SPACA7: variants seen among roughly 807,000 people sequenced by gnomAD.
SPACA7 encodes sperm acrosome-associated protein 7.
In SPACA7, 19 loss-of-function variants were observed where a neutral mutation model predicts 26.3. The observed-to-expected ratio is 0.72, with a 90% CI of 0.50 to 1.06. The LOEUF (loss-of-function observed/expected upper bound fraction) is 1.06. Ranked by LOEUF, SPACA7 falls within the 50% of genes least tolerant of loss-of-function variation. SPACA7 has a pLI of 0.00. For synonymous variants in SPACA7, 84 were observed against 84.5 expected, an observed-to-expected ratio of 0.99 and a Z score of 0.04; for missense variants, 211 against 229.9, an observed-to-expected ratio of 0.92 and a Z score of 0.53.
At chr13:112,380,008 A>C (rs573788543) in intron 1 of SPACA7, among the ~76,000 whole-genome samples, 1 of 152,336 alleles carries the variant, frequency 6.6e-6, no homozygotes, top group East Asian at 1.9e-4. Flanking sequence ...GTAATCAAAA[A>C]CATGATAAAG....
chr13:112,426,220 C>A (rs1396698094), intron 5 of SPACA7, among the ~76,000 whole-genome samples: 1 of 152,192 alleles, frequency 6.6e-6, no homozygotes, highest in African/African-American at 2.4e-5. Context: ...TGTCGAAAAT[C>A]AGTTCATCAT....
chr13:112,419,800 G>A (rs1414379143), intron 5 of SPACA7, among the ~76,000 whole-genome samples: 1 of 152,182 alleles, frequency 6.6e-6, no homozygotes, highest in Non-Finnish European at 1.5e-5. Flanking sequence ...GAAATCCCCT[G>A]CCCATCACAG....
chr13:112,415,506 G>A (rs533164955), intron 5 of SPACA7, among the ~76,000 whole-genome samples: 3 of 152,194 alleles, frequency 2.0e-5, no homozygotes, highest in Admixed American at 1.3e-4. Flanking sequence ...GGAGCTTCAG[G>A]GTTCTTCCCA....
intron 1 of SPACA7, among the ~76,000 whole-genome samples, chr13:112,381,786 G>A (rs1466740310): frequency 2.0e-5 from 3 of 152,082 alleles, no homozygotes; most frequent in Non-Finnish European, 2.9e-5. Flanking sequence ...CTGTCTTTTT[G>A]CACTGAGTCA....
intron 1 of SPACA7, among the ~76,000 whole-genome samples, chr13:112,383,116 AAAAGAAAAGAAAGAAAG>A (rs1457465924): frequency 0.054 from 1,783 of 33,302 alleles, 29 homozygotes; most frequent in East Asian, 0.084. Flanking sequence ...AAAAGAAAAG[AAAAGAAAAGAAAGAAAG>A]AAAGAAAGAA....
At chr13:112,387,169 C>G (rs1488787917) in intron 1 of SPACA7, among the ~76,000 whole-genome samples, 1 of 152,200 alleles carries the variant, frequency 6.6e-6, no homozygotes, top group Non-Finnish European at 1.5e-5. Flanking sequence ...CTCGCAAAGG[C>G]TTTTAACTGC....
chr13:112,433,704 G>A (rs1172642750), intron 6 of SPACA7, among the ~76,000 whole-genome samples: 1 of 151,894 alleles, frequency 6.6e-6, no homozygotes, highest in African/African-American at 2.4e-5. Flanking sequence ...AGCCCCCCAA[G>A]TTCAGACTTT....
At position 112,418,351 on chromosome 13, in the gene SPACA7, G is replaced by A. The variant is rs539348794; in HGVS notation, c.446-14093G>A. Among the ~76,000 whole-genome samples, 177 of 152,222 alleles carry A rather than the reference G, an allele frequency of 1.2e-3. 2 individuals carry two copies. The highest frequency in any genetic ancestry group is 1.9e-3 in the Non-Finnish European group (130 of 68,016). ...GTTAGAGTTTATTTTCAGAAGATGAGGCCTAGGGAAGAAAAGTGTTGCAAA... is the reference window on the plus strand; with the variant it reads ...GTTAGAGTTTATTTTCAGAAGATGAAGCCTAGGGAAGAAAAGTGTTGCAAA... On this transcript the variant is annotated intron_variant, in intron 5 of 6. Coordinates refer to ENST00000283550, the MANE Select transcript of SPACA7 (RefSeq NM_145248.5).
At chr13:112,378,817 G>T (rs1883861656) in intron 1 of SPACA7, 1 of 464,804 alleles carries the variant, frequency 2.2e-6, no homozygotes, top group Non-Finnish European at 4.5e-6. Context: ...TCTCAAATAT[G>T]ACATTCCAGT....
intron 5 of SPACA7, among the ~76,000 whole-genome samples, chr13:112,418,268 C>A (rs1257102813): frequency 6.6e-6 from 1 of 152,190 alleles, no homozygotes; most frequent in Non-Finnish European, 1.5e-5. Context: ...AGTTACAGAT[C>A]TAATTGCAGA....
At chr13:112,387,423 T>A (rs1884599362) in intron 1 of SPACA7, among the ~76,000 whole-genome samples, 2 of 152,250 alleles carry the variant, frequency 1.3e-5, no homozygotes, top group African/African-American at 2.4e-5. Flanking sequence ...CATTCTATCC[T>A]GTGATACTTC....
At chr13:112,414,537 A>G (rs1240466966) in intron 5 of SPACA7, among the ~76,000 whole-genome samples, 1 of 150,704 alleles carries the variant, frequency 6.6e-6, no homozygotes, top group African/African-American at 2.4e-5. Context: ...CAGCCTCCCA[A>G]GTATCTGGGA....
chr13:112,413,268 G>A (rs1886467322), intron 5 of SPACA7, among the ~76,000 whole-genome samples: 1 of 152,044 alleles, frequency 6.6e-6, no homozygotes, highest in African/African-American at 2.4e-5. Flanking sequence ...CAGGTCTGGT[G>A]GATGTGAATT....
intron 2 of SPACA7, among the ~76,000 whole-genome samples, chr13:112,394,819 T>C (rs920020333): frequency 6.6e-6 from 1 of 152,072 alleles, no homozygotes; most frequent in Non-Finnish European, 1.5e-5. Context: ...AGAGAAACAG[T>C]GGCCTCAGAA....
chr13:112,401,642 T>C (rs541923182), intron 5 of SPACA7, among the ~76,000 whole-genome samples: 1 of 152,342 alleles, frequency 6.6e-6, no homozygotes, highest in Middle Eastern at 3.4e-3. Flanking sequence ...CCTTTAGCTT[T>C]TGACTTTCTG....
intron 5 of SPACA7, among the ~76,000 whole-genome samples, chr13:112,403,686 A>G (rs912909335): frequency 1.8e-4 from 28 of 152,156 alleles, no homozygotes; most frequent in African/African-American, 6.8e-4. Flanking sequence ...TTGGTTTTCC[A>G]TTACTGAGTT....
intron 6 of SPACA7, among the ~76,000 whole-genome samples, chr13:112,433,482 C>T (rs1460379785): frequency 3.3e-5 from 5 of 150,676 alleles, no homozygotes; most frequent in Admixed American, 1.3e-4. Flanking sequence ...CTCCCTGTCC[C>T]CTCTTAAAGC....
At chr13:112,405,505 T>C (rs1885928422) in intron 5 of SPACA7, among the ~76,000 whole-genome samples, 1 of 152,230 alleles carries the variant, frequency 6.6e-6, no homozygotes, top group Non-Finnish European at 1.5e-5. Flanking sequence ...TAATAATTTC[T>C]AGTTTTATTG....
At chr13:112,382,716 G>A (rs186650376) in intron 1 of SPACA7, among the ~76,000 whole-genome samples, 58 of 152,158 alleles carry the variant, frequency 3.8e-4, no homozygotes, top group Admixed American at 9.2e-4. Flanking sequence ...GGCCAGGTGC[G>A]GTGGCTTACA....
Sources: gnomAD v4.1 joint callset for allele counts (sites outside exome capture counted in the v4.1 genomes callset) on GRCh38, gnomAD v4.1.1 for gene constraint, MANE v1.5 for transcripts, NCBI Gene and HGNC (gene_info 2026-07-23, HGNC 2026-07-21) for gene names.